The following ITPR3 variants were observed in gnomAD, a reference collection of about 807,000 sequenced individuals.
ITPR3 encodes the protein inositol 1,4,5-trisphosphate-gated calcium channel ITPR3.
Under a neutral mutation model 293.2 loss-of-function variants are expected in ITPR3, and 173 were observed. The ratio of observed to expected loss-of-function variants is 0.59; its 90% CI spans 0.52 to 0.67. The LOEUF is 0.67. ITPR3 is among the 30% of genes least tolerant of loss of function. The pLI is 0.00. For missense variants in ITPR3, 2,796 were observed against 3,592.1 expected, an observed-to-expected ratio of 0.78 and a Z score of 5.66; for synonymous variants, 1,295 against 1,444.4, an observed-to-expected ratio of 0.90 and a Z score of 2.35.
intron 1 of ITPR3, among the ~76,000 whole-genome samples, chr6:33,622,548 G>C (rs771848393): frequency 6.6e-5 from 10 of 152,138 alleles, no homozygotes; most frequent in Non-Finnish European, 1.3e-4. Context: ...CCCAGGGCAG[G>C]GTCGGCTATC....
Position 33,679,601 on chromosome 6 carries a change from C to T in ITPR3, c.3973-281C>T, listed in dbSNP as rs980570687. Among the ~76,000 whole-genome samples the T allele has an allele frequency of 6.6e-6, 1 of 152,074 alleles. No homozygotes were observed. Among genetic ancestry groups the T allele is most frequent in the South Asian group, 2.1e-4 (1 of 4,826 alleles). The stretch of plus-strand genomic sequence containing the variant: ...GAGGGGGTGAGCAAGGCGGGATTAG[C>T]GAGGCTTCCTGGAGGAAGCTGCCTC... On this transcript the variant is annotated intron_variant, in intron 30 of 57. Coordinates refer to ENST00000605930, the MANE Select transcript of ITPR3 (RefSeq NM_002224.4). This position sits in a 1 kb window ranked among gnomAD's most constrained non-coding sequence, Gnocchi z 4.2.
rs994348460 is a variant in ITPR3, at chr6:33,685,952, G to A, written c.5668-101G>A. The A allele has an allele frequency of 6.6e-6, 10 of 1,518,884 alleles. No individual in the cohort carries two copies. In the African/African-American group the frequency reaches 1.1e-4, roughly 17 times the overall value. 94.1% of individuals were successfully genotyped at this position (1,518,884 alleles called of 1,614,324 possible). ...CCTGGGCACTGCTGCTTTGTGGCTG[G>A]TGGTTCCCCTACCCCTGCAGCACAC... On this transcript the variant is annotated intron_variant, in intron 41 of 57. Coordinates refer to ENST00000605930, the MANE Select transcript of ITPR3 (RefSeq NM_002224.4).
In ITPR3 at chr6:33,624,617, T is replaced by C. The variant is rs1480274723; in HGVS notation, c.89+2926T>C. On this transcript the variant is annotated intron_variant, in intron 1 of 57. Coordinates refer to ENST00000605930, the MANE Select transcript of ITPR3 (RefSeq NM_002224.4). This position sits in a 1 kb window ranked among gnomAD's most constrained non-coding sequence, Gnocchi z 4.7. ...GCCTCCTTTCTGAACTCTGGTCCCC[T>C]CTGCTTTTCCCGAGGCTGTTGGTGC... Among the ~76,000 whole-genome samples the C allele has an allele frequency of 6.6e-6, 1 of 152,262 alleles. No individual in the cohort carries two copies. The highest frequency in any genetic ancestry group is 1.5e-5 in the Non-Finnish European group (1 of 68,044).
At position 33,664,281 on chromosome 6, in the gene ITPR3, TG is replaced by T. The variant is rs565622642; in HGVS notation, c.1148+402del. Among the ~76,000 whole-genome samples the T allele has an allele frequency of 6.6e-4, 100 of 152,302 alleles. 2 individuals carry two copies. The South Asian group carries it at 0.017, about 25-fold the overall frequency. On this transcript the variant is annotated intron_variant, in intron 11 of 57. Coordinates refer to ENST00000605930, the MANE Select transcript of ITPR3 (RefSeq NM_002224.4). The surrounding 1 kb of genome is among the most constrained non-coding windows in gnomAD (Gnocchi z 4.4). ...GTACAGGCTTTGGCGTGTCCTTAGC[TG>T]TATGACCTCAGGCTGCTACTCACTC...
rs1157458641 is a variant in ITPR3 at position 33,675,241 on chromosome 6, G to A, written c.3117-450G>A. Among the ~76,000 whole-genome samples, 3 of 152,060 alleles carry A rather than the reference G, an allele frequency of 2.0e-5. No individual in the cohort carries two copies. The highest frequency in any genetic ancestry group is 4.4e-5 in the Non-Finnish European group (3 of 68,006). ...GTTCGAGACCAGCCTGGCCAACATG[G>A]TGAAACCCTGTCTCTACTAAAAATA... is the stretch of plus-strand genomic sequence containing the variant. On this transcript the variant is annotated intron_variant, in intron 24 of 57. Transcript: ENST00000605930. This position sits in a 1 kb window ranked among gnomAD's most constrained non-coding sequence, Gnocchi z 5.0.
chr6:33,687,831 C>T lies in ITPR3; in HGVS notation c.6265-226C>T, dbSNP rs1274650932. ...ACTTGGGCAGGACTGAGGAGGCCCCCGCTATCCTCTGGGATTCTCTGGTCA... is the reference window on the plus strand; with the variant it reads ...ACTTGGGCAGGACTGAGGAGGCCCCTGCTATCCTCTGGGATTCTCTGGTCA... On this transcript the variant is annotated intron_variant, in intron 46 of 57. Coordinates refer to ENST00000605930, the MANE Select transcript of ITPR3 (RefSeq NM_002224.4). This position sits in a 1 kb window ranked among gnomAD's most constrained non-coding sequence, Gnocchi z 5.3. 4.6e-5 allele frequency among the ~76,000 whole-genome samples: 7 copies of T among 152,202 alleles called. No homozygotes were observed. The highest frequency in any genetic ancestry group is 4.6e-4 in the Admixed American group (7 of 15,288).
rs1482836793 is a variant in ITPR3 at position 33,679,462 on chromosome 6, GT to G, written c.3973-418del. Among the ~76,000 whole-genome samples the G allele has an allele frequency of 6.6e-6, 1 of 152,224 alleles. No homozygotes were observed. The highest frequency in any genetic ancestry group is 1.5e-5 in the Non-Finnish European group (1 of 68,046). On this transcript the variant is annotated intron_variant, in intron 30 of 57. Transcript: ENST00000605930. The surrounding 1 kb of genome is among the most constrained non-coding windows in gnomAD (Gnocchi z 4.2). The stretch of plus-strand genomic sequence containing the variant: ...TGATGTGCTGGAACTGCTGTACAGT[GT>G]TAGTTTTATTAATTTCTATTATTAT...
chr6:33,686,901 T>C, intron 43 of ITPR3, 108 bp from the exon 44 acceptor site: 7 of 890,024 alleles, frequency 7.9e-6, no homozygotes, highest in South Asian at 1.5e-5. Context: ...TCATGGCACC[T>C]GACCTTTTGT....
rs28495900 is a variant in ITPR3 at position 33,685,166 on chromosome 6, C to T, written c.5308-193C>T. Among the ~76,000 whole-genome samples, 265 of 152,204 alleles carry T rather than the reference C, an allele frequency of 1.7e-3. 1 individual carries two copies. The highest frequency in any genetic ancestry group is 3.4e-3 in the Middle Eastern group (1 of 294). ...GGGTATGCGGGGGTGATGAAAGGAC[C>T]ACGTGACACAGGAGCAGATATGGGG... On this transcript the variant is annotated intron_variant, in intron 39 of 57. Transcript: ENST00000605930.
rs1764873429 is a variant in ITPR3 at position 33,675,227 on chromosome 6, G to A, written c.3117-464G>A. ...ACTTGAGGTCAGGAGTTCGAGACCA[G>A]CCTGGCCAACATGGTGAAACCCTGT... On this transcript the variant is annotated intron_variant, in intron 24 of 57. Coordinates refer to ENST00000605930, the MANE Select transcript of ITPR3 (RefSeq NM_002224.4). The surrounding 1 kb of genome is among the most constrained non-coding windows in gnomAD (Gnocchi z 5.0). Among the ~76,000 whole-genome samples, 1 of 152,100 alleles carries A rather than the reference G, an allele frequency of 6.6e-6. No homozygotes were observed. Among genetic ancestry groups the A allele is most frequent in the African/African-American group, 2.4e-5 (1 of 41,398 alleles).
rs749396644 is a variant in ITPR3 at position 33,659,462 on chromosome 6, G to T, written c.628-4G>T. On this transcript the variant is annotated splice_region_variant and splice_polypyrimidine_tract_variant and intron_variant, in intron 6 of 57. Transcript: ENST00000605930. ...GCGTCACGGGTCTTGTCACCCTTCC[G>T]CAGGTCAATTCTGTGAACTGCAACA... The T allele has an allele frequency of 6.2e-7, 1 of 1,613,858 alleles. No homozygotes were observed. The highest frequency in any genetic ancestry group is 1.7e-5 in the Admixed American group (1 of 60,016).
chr6:33,688,005 C>T, intron 46 of ITPR3, 52 bp from the exon 47 acceptor site: 1 of 1,454,014 alleles, frequency 6.9e-7, no homozygotes, highest in Non-Finnish European at 9.5e-7. Flanking sequence ...GGCTGAGTGC[C>T]AGCCTGGATG....
intron 16 of ITPR3, among the ~76,000 whole-genome samples, 178 bp downstream of exon 16, chr6:33,668,142 T>G (rs1406267798): frequency 3.9e-5 from 6 of 152,210 alleles, no homozygotes; most frequent in Non-Finnish European, 5.9e-5. Context: ...TGGGATCCCC[T>G]AAAATTTGGC....
intron 56 of ITPR3, among the ~76,000 whole-genome samples, chr6:33,694,119 G>A (rs1765471035): frequency 6.6e-6 from 1 of 152,188 alleles, no homozygotes; most frequent in African/African-American, 2.4e-5. Flanking sequence ...GCCGCTCTCA[G>A]GGAGTGTTTT....
chr6:33,642,561 A>G (rs1035440684), intron 2 of ITPR3, among the ~76,000 whole-genome samples: 11 of 152,000 alleles, frequency 7.2e-5, no homozygotes, highest in Non-Finnish European at 1.6e-4. Flanking sequence ...GACTTGCCCT[A>G]AGCTTCTAGT....
Position 33,658,544 on chromosome 6 carries a change from C to G in ITPR3, c.370-126C>G. 8.9e-7 allele frequency: 1 copy of G among 1,120,138 alleles called. No individual in the cohort carries two copies. Among genetic ancestry groups the G allele is most frequent in the Admixed American group, 2.2e-5 (1 of 45,626 alleles). 69.4% of individuals were successfully genotyped at this position (1,120,138 alleles called of 1,614,324 possible). On this transcript the variant is annotated intron_variant, in intron 4 of 57. Transcript: ENST00000605930. This position sits in a 1 kb window ranked among gnomAD's most constrained non-coding sequence, Gnocchi z 6.1. ...TGGGTGTCAGCCTGTATGTTTGTGACAGGTGTCTGACACTATGTGTGCAGC... is the reference window on the plus strand; with the variant it reads ...TGGGTGTCAGCCTGTATGTTTGTGAGAGGTGTCTGACACTATGTGTGCAGC...
chr6:33,678,535 A>C lies in ITPR3; in HGVS notation c.3763A>C (p.Thr1255Pro). ...LLHKHLHLFL[T>P]PGLLEAETMQ... ...GCACAAACACCTGCACCTCTTCCTC[A>C]CGCCAGGGGTGAGGGTGCAGGGCTG... Residue 1255 changes from threonine to proline, a missense_variant, in exon 29 of 58, where the codon ACG (threonine) becomes CCG (proline). Physicochemically the swap from Thr to Pro is conservative, Grantham distance 38. Transcript: ENST00000605930. The C allele has an allele frequency of 7.0e-7, 1 of 1,430,974 alleles. No individual in the cohort carries two copies. The highest frequency in any genetic ancestry group is 1.5e-5 in the African/African-American group (1 of 66,652). 88.6% of individuals were successfully genotyped at this position (1,430,974 alleles called of 1,614,324 possible).
Position 33,684,320 on chromosome 6 carries a change from G to A in ITPR3, c.4938-37G>A. ...GGGGAAGTAGCTGGAGGGAGGCAGTGTGGGGCTGCCCTGAGCTGCCTCCTT... is the reference window on the plus strand; with the variant it reads ...GGGGAAGTAGCTGGAGGGAGGCAGTATGGGGCTGCCCTGAGCTGCCTCCTT... On this transcript the variant is annotated intron_variant, in intron 36 of 57. Transcript: ENST00000605930. The surrounding 1 kb of genome is among the most constrained non-coding windows in gnomAD (Gnocchi z 4.2). 1 of 1,598,698 alleles carries A rather than the reference G, an allele frequency of 6.3e-7. No homozygotes were observed. Among genetic ancestry groups the A allele is most frequent in the Non-Finnish European group, 8.6e-7 (1 of 1,166,662 alleles).
Position 33,677,496 on chromosome 6 carries a change from C to T in ITPR3, c.3523-8C>T, listed in dbSNP as rs1194719647. The T allele has an allele frequency of 6.2e-7, 1 of 1,613,746 alleles. No homozygotes were observed. Among genetic ancestry groups the T allele is most frequent in the Non-Finnish European group, 8.5e-7 (1 of 1,179,816 alleles). ...GAAGGGGCTCTGGCTCACCCGCCTC[C>T]CCTGCAGATCCTGGAAAGGCTGAAC... is the stretch of plus-strand genomic sequence containing the variant. On this transcript the variant is annotated splice_polypyrimidine_tract_variant and splice_region_variant and intron_variant, in intron 27 of 57. Coordinates refer to ENST00000605930, the MANE Select transcript of ITPR3 (RefSeq NM_002224.4).
Sources: gnomAD v4.1 joint callset for allele counts (sites outside exome capture counted in the v4.1 genomes callset) on GRCh38, gnomAD v4.1.1 for gene constraint, Gnocchi (gnomAD v3.1) non-coding constraint, MANE v1.5 for transcripts, NCBI Gene and HGNC (gene_info 2026-07-23, HGNC 2026-07-21) for gene names.